Variants in PHF24 observed in about 807,000 individuals in gnomAD.
PHF24 encodes the protein PHD finger protein 24, also known as Galpha inhibitory interacting protein.
Under a neutral mutation model 42.6 loss-of-function variants are expected in PHF24, and 25 were observed. That is an observed-to-expected ratio of 0.59 (90% CI 0.43 to 0.82). The LOEUF (loss-of-function observed/expected upper bound fraction) is 0.82, where lower values mean the gene tolerates loss of function less well. PHF24 is among the 40% of genes least tolerant of loss of function. The probability of loss-of-function intolerance (pLI) is 0.00; values close to 1 mark genes in which losing one functional copy is unlikely to be tolerated. For missense variants in PHF24, 470 were observed against 538.1 expected, an observed-to-expected ratio of 0.87 and a Z score of 1.25; for synonymous variants, 185 against 204.8, an observed-to-expected ratio of 0.90 and a Z score of 0.83.
the PHF24 span, among the ~76,000 whole-genome samples, chr9:34,813,016 T>A: frequency 1.3e-5 from 2 of 152,238 alleles, no homozygotes; most frequent in Non-Finnish European, 2.9e-5. Context: ...GCCACTCACA[T>A]ATAAGAAGCC....
At chr9:34,813,411 T>G in the PHF24 span, among the ~76,000 whole-genome samples, 1 of 152,238 alleles carries the variant, frequency 6.6e-6, no homozygotes, top group Non-Finnish European at 1.5e-5. Context: ...TACAATTTGT[T>G]ATCTCACAGT....
chr9:34,827,353 G>A, the PHF24 span, among the ~76,000 whole-genome samples: 7 of 152,236 alleles, frequency 4.6e-5, no homozygotes, highest in Non-Finnish European at 7.3e-5. Context: ...CCTGTTGAGT[G>A]TTGGTTCAGC....
chr9:34,726,749 G>GA, the PHF24 span: 16 of 1,551,612 alleles, frequency 1.0e-5, no homozygotes, highest in Non-Finnish European at 1.4e-5. Context: ...AGATGACAGT[G>GA]AAAGCTCTCT....
chr9:34,782,513 TA>T, the PHF24 span, among the ~76,000 whole-genome samples: 2 of 152,104 alleles, frequency 1.3e-5, no homozygotes, highest in Admixed American at 6.6e-5. Flanking sequence ...GCCATATGGC[TA>T]AAAATACAGA....
At chr9:34,884,204 A>T in the PHF24 span, among the ~76,000 whole-genome samples, 2 of 152,078 alleles carry the variant, frequency 1.3e-5, no homozygotes, top group Non-Finnish European at 2.9e-5. Flanking sequence ...ATCACACACC[A>T]GGGTCTGTCA....
the PHF24 span, among the ~76,000 whole-genome samples, chr9:34,705,256 G>A: frequency 2.6e-5 from 4 of 152,062 alleles, no homozygotes; most frequent in Admixed American, 2.0e-4. Flanking sequence ...CTTTTGGAAA[G>A]TTACCTTTAT....
the PHF24 span, among the ~76,000 whole-genome samples, chr9:34,899,603 T>G: frequency 6.6e-6 from 1 of 152,196 alleles, no homozygotes. Flanking sequence ...CGTTCATTAA[T>G]GCCCAAGAGC....
At chr9:34,956,748 C>T (rs933220366), upstream of PHF24, among the ~76,000 whole-genome samples, 3 of 152,232 alleles carry the variant, frequency 2.0e-5, no homozygotes, top group African/African-American at 7.2e-5. Context: ...GACCCCCAGA[C>T]TATATGGAAG....
chr9:34,855,047 T>C, the PHF24 span, among the ~76,000 whole-genome samples: 2 of 152,232 alleles, frequency 1.3e-5, no homozygotes, highest in African/African-American at 4.8e-5. Flanking sequence ...TTTGGCTTTT[T>C]TGATCTTTGT....
chr9:34,744,427 T>A, the PHF24 span, among the ~76,000 whole-genome samples: 1 of 152,166 alleles, frequency 6.6e-6, no homozygotes, highest in South Asian at 2.1e-4. Flanking sequence ...TATGGCCAAC[T>A]ACAAAGTAGG....
At chr9:34,973,923 A>G (rs1329990500) in intron 3 of PHF24, among the ~76,000 whole-genome samples, 4 of 152,148 alleles carry the variant, frequency 2.6e-5, no homozygotes, top group African/African-American at 2.4e-5. Flanking sequence ...CATTGCCACC[A>G]TGCTCCACTG....
the PHF24 span, chr9:34,727,997 T>C: frequency 6.5e-7 from 1 of 1,549,216 alleles, no homozygotes; most frequent in East Asian, 2.4e-5. Flanking sequence ...TGGTTGTTGA[T>C]AGAGTGCAAA....
At chr9:34,683,500 C>A in the PHF24 span, among the ~76,000 whole-genome samples, 1 of 152,208 alleles carries the variant, frequency 6.6e-6, no homozygotes. Context: ...TCTTCCTATC[C>A]ACAGTTCTAT....
At chr9:34,761,711 T>C in the PHF24 span, among the ~76,000 whole-genome samples, 6 of 152,162 alleles carry the variant, frequency 3.9e-5, no homozygotes, top group Non-Finnish European at 8.8e-5. Flanking sequence ...TTATTATTAT[T>C]ATACGTTAAG....
chr9:34,921,556 C>T, the PHF24 span, among the ~76,000 whole-genome samples: 1 of 152,110 alleles, frequency 6.6e-6, no homozygotes, highest in Non-Finnish European at 1.5e-5. Context: ...ATAATGAAAG[C>T]TAACAGCAGG....
the PHF24 span, among the ~76,000 whole-genome samples, chr9:34,906,456 G>A: frequency 6.6e-6 from 1 of 152,178 alleles, no homozygotes; most frequent in East Asian, 1.9e-4. Flanking sequence ...TTTGGAGTCA[G>A]CAGAAAGGAA....
At chr9:34,981,736 C>CCT (rs1827397846) in exon 8 of PHF24, 7 of 139,024 alleles carry the variant, frequency 5.0e-5, no homozygotes, top group African/African-American at 1.8e-4. Flanking sequence ...TTCCTATTTT[C>CCT]TTTTTTTTTT....
the PHF24 span, among the ~76,000 whole-genome samples, chr9:34,788,507 G>C: frequency 6.6e-6 from 1 of 152,160 alleles, no homozygotes; most frequent in Non-Finnish European, 1.5e-5. Context: ...TGAAATACCA[G>C]CTTTATGAAT....
the PHF24 span, chr9:34,894,609 T>C: frequency 2.5e-6 from 1 of 397,636 alleles, no homozygotes. Context: ...AACCCCAGAG[T>C]CAGAACACTA....
Sources: gnomAD v4.1 joint callset for allele counts (sites outside exome capture counted in the v4.1 genomes callset) on GRCh38, gnomAD v4.1.1 for gene constraint, MANE v1.5 for transcripts, NCBI Gene and HGNC (gene_info 2026-07-23, HGNC 2026-07-21) for gene names.